Variants in ODAD2 observed in about 807,000 individuals in gnomAD.
ODAD2 encodes outer dynein arm docking complex subunit 2.
A neutral mutation model predicts 106.8 loss-of-function variants in ODAD2; 89 were observed. The observed-to-expected ratio is 0.83, with a 90% CI of 0.70 to 0.99. The LOEUF is 0.99. ODAD2 is among the 50% of genes least tolerant of loss of function. The pLI, the probability that ODAD2 is intolerant of heterozygous loss-of-function variation, is 0.00. For synonymous variants in ODAD2, 404 were observed against 436.2 expected, an observed-to-expected ratio of 0.93 and a Z score of 0.92; for missense variants, 1,168 against 1,238.5, an observed-to-expected ratio of 0.94 and a Z score of 0.85.
chr10:27,886,774 T>C (rs893986697), intron 17 of ODAD2, among the ~76,000 whole-genome samples: 2 of 152,136 alleles, frequency 1.3e-5, no homozygotes, highest in African/African-American at 2.4e-5. Flanking sequence ...AGTGGAGTTG[T>C]ATACAATTGA....
intron 17 of ODAD2, among the ~76,000 whole-genome samples, chr10:27,906,691 G>C (rs1345784443): frequency 6.6e-6 from 1 of 152,142 alleles, no homozygotes; most frequent in Non-Finnish European, 1.5e-5. Flanking sequence ...CCATAAAAAC[G>C]AATGAGTTCA....
At chr10:27,946,511 T>C (rs1846939311) in intron 10 of ODAD2, among the ~76,000 whole-genome samples, 1 of 152,140 alleles carries the variant, frequency 6.6e-6, no homozygotes. Flanking sequence ...TAAACACATC[T>C]TTTTTTGTGG....
In ODAD2 at chr10:27,873,393, G is replaced by A. The variant is rs1167836916; in HGVS notation, c.2611-10771C>T. ...TGATCTTAGTTATTTCTTGCCTTCT[G>A]CTAGCTTTTGAATGTGTTTGCTCCT... On this transcript the variant is annotated intron_variant, in intron 17 of 19. Coordinates refer to ENST00000305242, the MANE Select transcript of ODAD2 (RefSeq NM_018076.5). Among the ~76,000 whole-genome samples, 19 of 126,230 alleles carry A rather than the reference G, an allele frequency of 1.5e-4. No homozygotes were observed. In the South Asian group the frequency reaches 5.7e-3, roughly 38 times the overall value. 82.8% of individuals were successfully genotyped at this position (126,230 alleles called of 152,430 possible).
intron 6 of ODAD2, 102 bp from the exon 7 acceptor site, chr10:27,981,684 G>T (rs183665355): frequency 1.2e-6 from 1 of 836,810 alleles, no homozygotes; most frequent in Non-Finnish European, 1.8e-6. Flanking sequence ...TTTCATCTCC[G>T]AAGGATCTAT....
chr10:27,887,020 C>A (rs571861496), intron 17 of ODAD2, among the ~76,000 whole-genome samples: 2 of 151,974 alleles, frequency 1.3e-5, no homozygotes, highest in East Asian at 3.9e-4. Context: ...TAAGTGCTTT[C>A]CTATACTTTA....
At chr10:27,949,724 G>A (rs1352288186) in intron 10 of ODAD2, among the ~76,000 whole-genome samples, 1 of 152,122 alleles carries the variant, frequency 6.6e-6, no homozygotes, top group Non-Finnish European at 1.5e-5. Flanking sequence ...ATTTATAAAA[G>A]ATCACTCTGG....
At chr10:27,852,195 G>A (rs932274104) in intron 19 of ODAD2, among the ~76,000 whole-genome samples, 4 of 152,162 alleles carry the variant, frequency 2.6e-5, no homozygotes, top group Non-Finnish European at 5.9e-5. Context: ...CTAGGCAGAA[G>A]GAAAATGATA....
chr10:27,978,532 C>T (rs1441865123), intron 7 of ODAD2, among the ~76,000 whole-genome samples: 1 of 152,074 alleles, frequency 6.6e-6, no homozygotes. Context: ...GTGGCTCACA[C>T]CTGTAATCCC....
chr10:27,936,065 C>A (rs1201651777), intron 15 of ODAD2, among the ~76,000 whole-genome samples: 1 of 152,202 alleles, frequency 6.6e-6, no homozygotes, highest in South Asian at 2.1e-4. Flanking sequence ...GACTTCACTA[C>A]GCCTTATTAA....
intron 17 of ODAD2, among the ~76,000 whole-genome samples, chr10:27,900,638 A>G (rs1371433662): frequency 6.6e-6 from 1 of 152,236 alleles, no homozygotes; most frequent in Non-Finnish European, 1.5e-5. Flanking sequence ...TGGAGCTGAA[A>G]AACACGGCAA....
intron 17 of ODAD2, among the ~76,000 whole-genome samples, chr10:27,883,584 G>A (rs1382633886): frequency 1.3e-5 from 2 of 152,080 alleles, no homozygotes; most frequent in African/African-American, 4.8e-5. Flanking sequence ...TATAATGTTG[G>A]CCTTATTAGA....
At chr10:27,825,545 T>C (rs2132924590) in intron 19 of ODAD2, among the ~76,000 whole-genome samples, 1 of 152,352 alleles carries the variant, frequency 6.6e-6, no homozygotes, top group East Asian at 1.9e-4. Context: ...ACTTCAAAAC[T>C]TTGACTACTT....
chr10:27,979,272 G>A (rs1052392133), intron 7 of ODAD2, among the ~76,000 whole-genome samples: 8 of 151,108 alleles, frequency 5.3e-5, no homozygotes, highest in African/African-American at 1.7e-4. Context: ...AGACAAGGAT[G>A]CCTGCTTTTA....
chr10:27,981,653 C>T, intron 6 of ODAD2, 71 bp from the exon 7 acceptor site: 1 of 1,066,060 alleles, frequency 9.4e-7, no homozygotes, highest in Non-Finnish European at 1.3e-6. Context: ...CAATACATCA[C>T]AAGCTAGCCA....
chr10:27,898,161 G>T (rs1444002374), intron 17 of ODAD2, among the ~76,000 whole-genome samples: 3 of 152,010 alleles, frequency 2.0e-5, no homozygotes, highest in Admixed American at 2.0e-4. Context: ...TTTAAATATA[G>T]ATTTTCAATG....
At chr10:27,935,975 G>C (rs10826367) in intron 15 of ODAD2, among the ~76,000 whole-genome samples, 57,269 of 151,980 alleles carry the variant, frequency 0.38, 12,157 homozygotes, top group Middle Eastern at 0.6. Flanking sequence ...AATTTCAGCT[G>C]TATTTAAGTA....
At chr10:27,975,823 A>G (rs1245605791) in intron 7 of ODAD2, among the ~76,000 whole-genome samples, 1 of 152,202 alleles carries the variant, frequency 6.6e-6, no homozygotes, top group African/African-American at 2.4e-5. Flanking sequence ...TATTACTTCA[A>G]TACCAAAACC....
chr10:27,986,366 A>AGGATAAGTATTTAGCAAAT (rs1849875092), intron 3 of ODAD2, among the ~76,000 whole-genome samples: 1 of 152,222 alleles, frequency 6.6e-6, no homozygotes, highest in Admixed American at 6.5e-5. Flanking sequence ...AATGTAGCAA[A>AGGATAAGTATTTAGCAAAT]GGATAAGTAT....
At chr10:27,896,908 C>A (rs781435721) in intron 17 of ODAD2, among the ~76,000 whole-genome samples, 1 of 152,128 alleles carries the variant, frequency 6.6e-6, no homozygotes, top group African/African-American at 2.4e-5. Flanking sequence ...AACTATGAAT[C>A]CTTTTTTCCT....
Sources: allele counts gnomAD v4.1 joint callset (sites outside exome capture counted in the v4.1 genomes callset), GRCh38; gene constraint gnomAD v4.1.1; transcripts MANE v1.5; gene names NCBI Gene and HGNC (gene_info 2026-07-23, HGNC 2026-07-21).